The following HNF4G variants were observed in gnomAD, a reference collection of about 807,000 sequenced individuals.
HNF4G encodes the protein hepatocyte nuclear factor 4 gamma, also known as hepatocyte nuclear factor 4-gamma.
HNF4G carries 21 observed loss-of-function variants against 50.9 expected under a neutral mutation model. That is an observed-to-expected ratio of 0.41 (90% CI 0.29 to 0.59). HNF4G has a LOEUF of 0.59. Ranked by LOEUF, HNF4G falls within the 20% of genes least tolerant of loss-of-function variation. The probability of loss-of-function intolerance (pLI) is 0.26; values close to 1 mark genes in which losing one functional copy is unlikely to be tolerated. For missense variants in HNF4G, 527 were observed against 559.4 expected (o/e 0.94, Z 0.58); for synonymous variants, 198 against 185.6 (o/e 1.07, Z -0.54).
intron 2 of HNF4G, among the ~76,000 whole-genome samples, chr8:75,530,634 A>G (rs1806303135): frequency 6.6e-6 from 1 of 152,152 alleles, no homozygotes; most frequent in Non-Finnish European, 1.5e-5. Flanking sequence ...TCAAAAATTT[A>G]GAAGGATTCA....
In HNF4G at chr8:75,491,568, G is replaced by A. The variant is rs189949424; in HGVS notation, c.-24+1360G>A. ...CCGCTCACTGCAACCTCTGCCTCCT[G>A]GGGATTCAAGCAATTCTCGTGCCTC... is the stretch of plus-strand genomic sequence containing the variant. On this transcript the variant is annotated intron_variant, in intron 2 of 10. Transcript: ENST00000354370. Among the ~76,000 whole-genome samples the A allele has an allele frequency of 1.4e-3, 209 of 151,886 alleles. 1 individual carries two copies. The highest frequency in any genetic ancestry group is 4.4e-3 in the African/African-American group (182 of 41,426).
intron 1 of HNF4G, among the ~76,000 whole-genome samples, chr8:75,474,428 A>C (rs1383981862): frequency 1.3e-5 from 2 of 152,178 alleles, no homozygotes; most frequent in Non-Finnish European, 2.9e-5. Context: ...ACCACTCTCC[A>C]TATTATGGCT....
At chr8:75,417,960 TACACAC>T (rs144672882) in intron 1 of HNF4G, among the ~76,000 whole-genome samples, 9 of 148,862 alleles carry the variant, frequency 6.0e-5, no homozygotes, top group East Asian at 2.0e-4. Flanking sequence ...TGTGTGTGTC[TACACAC>T]ACACACACAC....
chr8:75,476,259 A>G (rs1319739643), intron 1 of HNF4G, among the ~76,000 whole-genome samples: 1 of 152,234 alleles, frequency 6.6e-6, no homozygotes, highest in Non-Finnish European at 1.5e-5. Context: ...GCTGCAAAAT[A>G]CATGATTTTA....
chr8:75,551,351 A>G, intron 3 of HNF4G, 37 bp from the exon 4 acceptor site: 1 of 1,169,710 alleles, frequency 8.5e-7, no homozygotes, highest in African/African-American at 1.5e-5. Flanking sequence ...TACACTAAAG[A>G]GAAGTGCTCA....
At chr8:75,530,531 G>T (rs1180970579) in intron 2 of HNF4G, among the ~76,000 whole-genome samples, 1 of 152,078 alleles carries the variant, frequency 6.6e-6, no homozygotes, top group East Asian at 1.9e-4. Flanking sequence ...AATTTCTGCA[G>T]CTGGTTGATG....
At chr8:75,493,429 G>A (rs1173900076) in intron 2 of HNF4G, among the ~76,000 whole-genome samples, 2 of 152,100 alleles carry the variant, frequency 1.3e-5, no homozygotes, top group East Asian at 1.9e-4. Context: ...AAATAGCTTT[G>A]CCAAATGTTT....
At chr8:75,563,237 T>A (rs1192542021) in intron 9 of HNF4G, among the ~76,000 whole-genome samples, 1 of 152,132 alleles carries the variant, frequency 6.6e-6, no homozygotes, top group Non-Finnish European at 1.5e-5. Flanking sequence ...AACTCCTGGA[T>A]TATTTTATAA....
At chr8:75,486,552 T>C (rs1812502040) in intron 1 of HNF4G, among the ~76,000 whole-genome samples, 1 of 152,176 alleles carries the variant, frequency 6.6e-6, no homozygotes, top group Non-Finnish European at 1.5e-5. Flanking sequence ...GTTAAATTAG[T>C]AATAATTACT....
At position 75,553,132 on chromosome 8, in the gene HNF4G, C is replaced by CTCT. The variant is rs1807013330; in HGVS notation, c.582_584dup (p.Leu194_Leu195insPhe). ...TGTCTGTGAATCTATGAAACAGCAGCTCTTAGTCTTGGTGGAATGGGCTAA... is the reference window on the plus strand; with the variant it reads ...TGTCTGTGAATCTATGAAACAGCAGCTCTTCTTAGTCTTGGTGGAATGGGCTAA... On this transcript the variant is annotated inframe_insertion, in exon 5 of 10. Coordinates refer to ENST00000396423, the MANE Select transcript of HNF4G (RefSeq NM_004133.5). 1 of 1,612,618 alleles carries CTCT rather than the reference C, an allele frequency of 6.2e-7. No homozygotes were observed. Among genetic ancestry groups the CTCT allele is most frequent in the Non-Finnish European group, 8.5e-7 (1 of 1,178,972 alleles).
chr8:75,473,237 A>G (rs1443402974), intron 1 of HNF4G, among the ~76,000 whole-genome samples: 1 of 151,554 alleles, frequency 6.6e-6, no homozygotes, highest in Admixed American at 6.6e-5. Flanking sequence ...TGAACCCAGG[A>G]GGTGAGCCGA....
intron 1 of HNF4G, among the ~76,000 whole-genome samples, chr8:75,438,638 C>T (rs982143736): frequency 3.3e-5 from 5 of 151,776 alleles, no homozygotes; most frequent in African/African-American, 1.2e-4. Flanking sequence ...ACCTTGCTTG[C>T]TTTCTGTTTT....
intron 2 of HNF4G, among the ~76,000 whole-genome samples, chr8:75,530,022 C>T (rs1279508908): frequency 6.6e-6 from 1 of 152,072 alleles, no homozygotes; most frequent in African/African-American, 2.4e-5. Flanking sequence ...CTACTGTTCC[C>T]TGCTCTAGAT....
At chr8:75,489,987 TG>T (rs1440639870) in intron 1 of HNF4G, 1 of 152,308 alleles carries the variant, frequency 6.6e-6, no homozygotes, top group African/African-American at 2.4e-5. Flanking sequence ...GGACTCCTTT[TG>T]GGCTATTGGT....
chr8:75,500,571 G>A (rs550298173), intron 2 of HNF4G, among the ~76,000 whole-genome samples: 1 of 152,038 alleles, frequency 6.6e-6, no homozygotes, highest in Non-Finnish European at 1.5e-5. Flanking sequence ...ATGTAACAAT[G>A]TCTATAGCAT....
At chr8:75,425,542 C>T (rs1422588055) in intron 1 of HNF4G, among the ~76,000 whole-genome samples, 1 of 147,386 alleles carries the variant, frequency 6.8e-6, no homozygotes, top group African/African-American at 2.5e-5. Flanking sequence ...ATCATACACA[C>T]AAATTTTTAC....
At chr8:75,478,800 C>T (rs1812303043) in intron 1 of HNF4G, among the ~76,000 whole-genome samples, 1 of 152,026 alleles carries the variant, frequency 6.6e-6, no homozygotes, top group African/African-American at 2.4e-5. Context: ...CTTTGCTCAC[C>T]ACGACTTCCG....
intron 2 of HNF4G, among the ~76,000 whole-genome samples, chr8:75,533,142 A>G (rs898993400): frequency 1.2e-4 from 18 of 152,020 alleles, no homozygotes; most frequent in African/African-American, 3.4e-4. Context: ...TTATTTGCAT[A>G]TGTATTTTAT....
intron 1 of HNF4G, among the ~76,000 whole-genome samples, chr8:75,464,805 A>T (rs1048715996): frequency 1.3e-5 from 2 of 152,216 alleles, no homozygotes; most frequent in Non-Finnish European, 2.9e-5. Flanking sequence ...GTGTACAGGA[A>T]AACACCAGGG....
Sources: gnomAD v4.1 joint callset for allele counts (sites outside exome capture counted in the v4.1 genomes callset) on GRCh38, gnomAD v4.1.1 for gene constraint, MANE v1.5 for transcripts, NCBI Gene and HGNC (gene_info 2026-07-23, HGNC 2026-07-21) for gene names.